The following LRMDA variants were observed in gnomAD, a reference collection of about 807,000 sequenced individuals.
LRMDA encodes the protein leucine rich melanocyte differentiation associated.
A neutral mutation model predicts 29.8 loss-of-function variants in LRMDA; 18 were observed. The ratio of observed to expected loss-of-function variants is 0.60; its 90% CI spans 0.42 to 0.90. The LOEUF is 0.90. Ranked by LOEUF, LRMDA falls within the 40% of genes least tolerant of loss-of-function variation. The pLI is 0.00. For synonymous variants in LRMDA, 125 were observed against 109.4 expected (o/e 1.14, Z -0.89); for missense variants, 273 against 273.9 (o/e 1.00, Z 0.02).
At chr10:75,635,246 C>A (rs1841376476) in intron 2 of LRMDA, among the ~76,000 whole-genome samples, 1 of 152,106 alleles carries the variant, frequency 6.6e-6, no homozygotes, top group African/African-American at 2.4e-5. Context: ...TTAAGGAACT[C>A]TTTGCCAGCA....
chr10:75,804,572 T>G (rs754020300), intron 2 of LRMDA, among the ~76,000 whole-genome samples: 3 of 152,196 alleles, frequency 2.0e-5, no homozygotes, highest in African/African-American at 7.2e-5. Flanking sequence ...AAGGGTTCGA[T>G]TTTCCTCCTG....
chr10:76,351,542 T>C lies in LRMDA; in HGVS notation c.601+27057T>C, dbSNP rs187595621. On this transcript the variant is annotated intron_variant, in intron 6 of 6. Transcript: ENST00000611255. ...CTGTGAGGGTTTCTGCCTCATCTTC[T>C]TCACCCCTTTGGTTTCCCATTCACC... 7.0e-3 allele frequency among the ~76,000 whole-genome samples: 1,072 copies of C among 152,174 alleles called. 5 individuals carry two copies. The highest frequency in any genetic ancestry group is 9.4e-3 in the Non-Finnish European group (640 of 67,986).
At chr10:76,368,293 TTG>T (rs1165399027) in intron 6 of LRMDA, among the ~76,000 whole-genome samples, 1 of 152,192 alleles carries the variant, frequency 6.6e-6, no homozygotes, top group Non-Finnish European at 1.5e-5. Context: ...TTTCAATAGG[TTG>T]TGTCACTATT....
chr10:76,206,789 A>C (rs1425986945), intron 5 of LRMDA, among the ~76,000 whole-genome samples: 1 of 152,160 alleles, frequency 6.6e-6, no homozygotes, highest in Non-Finnish European at 1.5e-5. Context: ...CGATTGCCCC[A>C]GACTTTCATG....
At chr10:76,516,460 C>T (rs1843062487) in intron 6 of LRMDA, among the ~76,000 whole-genome samples, 1 of 152,040 alleles carries the variant, frequency 6.6e-6, no homozygotes, top group African/African-American at 2.4e-5. Flanking sequence ...CGTCATTTAG[C>T]ATTAGGTATA....
At chr10:76,206,337 C>T (rs865775057) in intron 5 of LRMDA, among the ~76,000 whole-genome samples, 1 of 152,212 alleles carries the variant, frequency 6.6e-6, no homozygotes, top group South Asian at 2.1e-4. Flanking sequence ...TAAGCTTGCT[C>T]ACATGGCATC....
chr10:75,739,516 G>A lies in LRMDA; in HGVS notation c.132-296492G>A, dbSNP rs150405938. Among the ~76,000 whole-genome samples the A allele has an allele frequency of 3.7e-3, 562 of 152,256 alleles. 3 individuals are homozygous for A. The highest frequency in any genetic ancestry group is 0.013 in the African/African-American group (525 of 41,534). ...TGCAGAACAGGGTGCAAGAACCTGC[G>A]GAGAGAATGGCTACAGCTGTTCTTG... On this transcript the variant is annotated intron_variant, in intron 2 of 6. Transcript: ENST00000611255.
intron 5 of LRMDA, among the ~76,000 whole-genome samples, chr10:76,295,591 C>T (rs1840401586): frequency 6.6e-6 from 1 of 152,182 alleles, no homozygotes. Flanking sequence ...CTCTGCTTTG[C>T]TTTTGTGGTA....
At chr10:75,918,489 A>C (rs1032753803) in intron 2 of LRMDA, among the ~76,000 whole-genome samples, 5 of 152,094 alleles carry the variant, frequency 3.3e-5, no homozygotes. Flanking sequence ...TCAAATAACC[A>C]GATCTCGCAG....
chr10:76,034,093 G>T (rs188770205), intron 2 of LRMDA, among the ~76,000 whole-genome samples: 65 of 152,306 alleles, frequency 4.3e-4, no homozygotes, highest in African/African-American at 1.5e-3. Flanking sequence ...ATGGGCTATT[G>T]ACAGGCCCAA....
chr10:75,473,035 G>T lies in LRMDA; in HGVS notation c.131+34541G>T, dbSNP rs527771489. 8.5e-5 allele frequency among the ~76,000 whole-genome samples: 13 copies of T among 152,318 alleles called. No individual in the cohort carries two copies. In the East Asian group the frequency reaches 9.6e-4, roughly 11 times the overall value. ...ATCAGGTTTACCTAGCATGGGGTTT[G>T]GTCTGTGCAACAGTTCTAGAGGTTT... On this transcript the variant is annotated intron_variant, in intron 2 of 6. Transcript: ENST00000611255.
At chr10:75,834,525 A>T (rs1199496360) in intron 2 of LRMDA, among the ~76,000 whole-genome samples, 3 of 152,120 alleles carry the variant, frequency 2.0e-5, no homozygotes, top group Non-Finnish European at 4.4e-5. Context: ...TTTAATTAAC[A>T]TCCCTTCCCT....
Position 76,206,274 on chromosome 10 carries a change from C to A in LRMDA, c.517-118127C>A, listed in dbSNP as rs79076864. Among the ~76,000 whole-genome samples the A allele has an allele frequency of 6.0e-3, 914 of 152,256 alleles. 7 individuals are homozygous for A. Among genetic ancestry groups the A allele is most frequent in the African/African-American group, 0.021 (874 of 41,558 alleles). On this transcript the variant is annotated intron_variant, in intron 5 of 6. Transcript: ENST00000611255. ...TTACGACGTTGTGCTTGTCCCACTG[C>A]CTGGAATGCTTTTTCTCTCTTTCCT... is the stretch of plus-strand genomic sequence containing the variant.
chr10:75,691,915 G>A (rs886984377), intron 2 of LRMDA, among the ~76,000 whole-genome samples: 3 of 152,026 alleles, frequency 2.0e-5, no homozygotes, highest in African/African-American at 7.2e-5. Flanking sequence ...ACTCACATTC[G>A]AAATATGGCC....
At chr10:75,600,302 G>T (rs553928253) in intron 2 of LRMDA, among the ~76,000 whole-genome samples, 1 of 152,278 alleles carries the variant, frequency 6.6e-6, no homozygotes, top group African/African-American at 2.4e-5. Flanking sequence ...ACAGCTTAGA[G>T]GATGCTCCCC....
At chr10:75,882,471 A>G (rs1351329905) in intron 2 of LRMDA, among the ~76,000 whole-genome samples, 1 of 152,134 alleles carries the variant, frequency 6.6e-6, no homozygotes, top group African/African-American at 2.4e-5. Context: ...AGCACCTAAA[A>G]TTTTCTACAG....
intron 5 of LRMDA, among the ~76,000 whole-genome samples, chr10:76,234,493 T>C (rs933016094): frequency 6.6e-6 from 1 of 152,202 alleles, no homozygotes; most frequent in Non-Finnish European, 1.5e-5. Context: ...AGTCAGCCTG[T>C]CCTTTGAAGC....
intron 2 of LRMDA, among the ~76,000 whole-genome samples, chr10:75,964,566 A>C (rs926283919): frequency 1.3e-5 from 2 of 152,176 alleles, no homozygotes; most frequent in African/African-American, 4.8e-5. Flanking sequence ...TATACATAAG[A>C]TGATCAAACT....
rs562837317 is a variant in LRMDA, at chr10:76,516,100, T to C, written c.602-41109T>C. On this transcript the variant is annotated intron_variant, in intron 6 of 6. Coordinates refer to ENST00000611255, the MANE Select transcript of LRMDA (RefSeq NM_001305581.2). ...AGCACAGATCCTTCCTAAAAGAAAG[T>C]TTCATAAGCTTAGGCTGTCAAGATT... is the stretch of plus-strand genomic sequence containing the variant. Among the ~76,000 whole-genome samples the C allele has an allele frequency of 4.7e-4, 72 of 152,240 alleles. 2 individuals are homozygous for C. In the South Asian group the frequency reaches 9.5e-3, roughly 20 times the overall value.
Sources: allele counts gnomAD v4.1 joint callset (sites outside exome capture counted in the v4.1 genomes callset), GRCh38; gene constraint gnomAD v4.1.1; transcripts MANE v1.5; gene names NCBI Gene and HGNC (gene_info 2026-07-23, HGNC 2026-07-21).